DENND5A: variants seen among roughly 807,000 people sequenced by gnomAD.
DENND5A encodes the protein DENN domain containing 5A.
A neutral mutation model predicts 140.3 loss-of-function variants in DENND5A; 64 were observed. The ratio of observed to expected loss-of-function variants is 0.46; its 90% confidence interval spans 0.37 to 0.56. DENND5A has a LOEUF of 0.56. Ranked by LOEUF, DENND5A falls within the 20% of genes least tolerant of loss-of-function variation. DENND5A has a pLI of 0.00. For missense variants in DENND5A, 1,292 were observed against 1,593.8 expected, an observed-to-expected ratio of 0.81 and a Z score of 3.22; for synonymous variants, 605 against 607.7, an observed-to-expected ratio of 1.00 and a Z score of 0.07.
intron 12 of DENND5A, among the ~76,000 whole-genome samples, chr11:9,153,944 T>C (rs772850786): frequency 3.3e-5 from 5 of 152,242 alleles, no homozygotes; most frequent in Non-Finnish European, 7.3e-5. Flanking sequence ...AACTGCTTTG[T>C]CTCTTTCTAA....
At chr11:9,164,194 ATTTTTTTTTTTTTTTTT>A (rs779522112) in intron 11 of DENND5A, among the ~76,000 whole-genome samples, 68 of 79,066 alleles carry the variant, frequency 8.6e-4, no homozygotes, top group East Asian at 2.9e-3. Context: ...ACCACGCCTA[ATTTTTTTTTTTTTTTTT>A]TTTTTTTTTT....
At position 9,212,281 on chromosome 11, in the gene DENND5A, G is replaced by A. The variant is rs1186482720; in HGVS notation, c.110-4649C>T. ...CAGCAGGAGAGAGGACCTCAGAGAT[G>A]TGTGGGGCAACAAGTCTAACATAAT... On this transcript the variant is annotated intron_variant, in intron 1 of 22. Coordinates refer to ENST00000328194, the MANE Select transcript of DENND5A (RefSeq NM_015213.4). Among the ~76,000 whole-genome samples the A allele has an allele frequency of 5.3e-5, 8 of 152,248 alleles. No individual in the cohort carries two copies. In the East Asian group the frequency reaches 1.3e-3, roughly 26 times the overall value.
chr11:9,161,905 T>C (rs539084355), intron 11 of DENND5A, among the ~76,000 whole-genome samples: 1 of 151,522 alleles, frequency 6.6e-6, no homozygotes, highest in Admixed American at 6.6e-5. Flanking sequence ...CCAAAATCTA[T>C]ACGTAATATA....
chr11:9,180,655 TCA>T, intron 6 of DENND5A, 110 bp downstream of exon 6: 1 of 1,039,388 alleles, frequency 9.6e-7, no homozygotes. Flanking sequence ...CTTTCACTGC[TCA>T]CAAATATGAG....
chr11:9,203,618 AAGCCTGAGGCAGG>A, intron 4 of DENND5A, 29 bp downstream of exon 4: 2 of 1,560,610 alleles, frequency 1.3e-6, no homozygotes, highest in Non-Finnish European at 1.7e-6. Flanking sequence ...GAAAGCAAAG[AAGCCTGAGGCAGG>A]CAGAAGGCTC....
intron 1 of DENND5A, among the ~76,000 whole-genome samples, chr11:9,233,392 C>G (rs1356358571): frequency 1.5e-5 from 2 of 136,014 alleles, no homozygotes; most frequent in African/African-American, 5.8e-5. Flanking sequence ...GAGCGAGACT[C>G]TGTCTCAAAA....
intron 8 of DENND5A, chr11:9,175,356 CTAAA>C (rs999059098): frequency 2.0e-5 from 3 of 152,092 alleles, no homozygotes; most frequent in African/African-American, 7.2e-5. Flanking sequence ...TAAAGATGAC[CTAAA>C]TAAATGGAAA....
intron 5 of DENND5A, among the ~76,000 whole-genome samples, chr11:9,186,302 G>A (rs1306415044): frequency 6.6e-6 from 1 of 152,182 alleles, no homozygotes; most frequent in Middle Eastern, 3.2e-3. Flanking sequence ...ATTCCTTTAA[G>A]ATTTTAAAAT....
chr11:9,250,437 C>T (rs1386891704), intron 1 of DENND5A, among the ~76,000 whole-genome samples: 3 of 152,292 alleles, frequency 2.0e-5, no homozygotes, highest in South Asian at 2.1e-4. Context: ...AGCTCCTCTA[C>T]TGCAATGTGG....
chr11:9,243,109 A>C (rs941173155), intron 1 of DENND5A, among the ~76,000 whole-genome samples: 2 of 147,580 alleles, frequency 1.4e-5, no homozygotes, highest in South Asian at 2.1e-4. Flanking sequence ...AAAAAACAAA[A>C]AAAAAAACTG....
At chr11:9,248,258 C>T (rs577642101) in intron 1 of DENND5A, among the ~76,000 whole-genome samples, 11 of 152,294 alleles carry the variant, frequency 7.2e-5, no homozygotes, top group African/African-American at 2.6e-4. Flanking sequence ...GCTGGGATTT[C>T]AGGCATGAGC....
intron 8 of DENND5A, 120 bp from the exon 9 acceptor site, chr11:9,170,897 A>C (rs1052028416): frequency 1.3e-6 from 2 of 1,500,928 alleles, no homozygotes; most frequent in Middle Eastern, 2.4e-4. Flanking sequence ...AAGATAGAGT[A>C]AAAGGGACTG....
At chr11:9,149,686 A>G (rs1282094432) in intron 15 of DENND5A, among the ~76,000 whole-genome samples, 2 of 152,186 alleles carry the variant, frequency 1.3e-5, no homozygotes, top group Admixed American at 6.5e-5. Context: ...GTGTTGAACA[A>G]GAGAGAGAAG....
chr11:9,239,259 CG>C lies in DENND5A; in HGVS notation c.109+25701del, dbSNP rs376956677. On this transcript the variant is annotated intron_variant, in intron 1 of 22. Transcript: ENST00000328194. ...GTTGCCCACGCTGGACTCAAATTCA[CG>C]GGCTCAAGCAATCTTCCTGCCTCAG... Among the ~76,000 whole-genome samples, 75 of 151,678 alleles carry C rather than the reference CG, an allele frequency of 4.9e-4. 2 individuals carry two copies. The South Asian group carries it at 0.015, about 31-fold the overall frequency.
intron 10 of DENND5A, among the ~76,000 whole-genome samples, chr11:9,169,301 T>A (rs1330946600): frequency 6.6e-6 from 1 of 151,884 alleles, no homozygotes; most frequent in African/African-American, 2.4e-5. Flanking sequence ...ACAGAAATTA[T>A]CTGCGCGTTG....
chr11:9,239,297 G>A (rs570164824), intron 1 of DENND5A, among the ~76,000 whole-genome samples: 304 of 150,944 alleles, frequency 2.0e-3, no homozygotes, highest in Non-Finnish European at 3.5e-3. Flanking sequence ...CTCCCAAGTA[G>A]CTGGGACTAC....
At chr11:9,210,476 C>T (rs995786935) in intron 1 of DENND5A, among the ~76,000 whole-genome samples, 1 of 152,156 alleles carries the variant, frequency 6.6e-6, no homozygotes, top group South Asian at 2.1e-4. Flanking sequence ...AGCATACATG[C>T]CTTACAAGAA....
chr11:9,165,269 G>T (rs1848149967), intron 11 of DENND5A, among the ~76,000 whole-genome samples: 1 of 152,030 alleles, frequency 6.6e-6, no homozygotes, highest in Non-Finnish European at 1.5e-5. Context: ...CAAAGTGCTG[G>T]GATTACAGGT....
At chr11:9,224,186 C>A (rs1036812398) in intron 1 of DENND5A, among the ~76,000 whole-genome samples, 1 of 152,186 alleles carries the variant, frequency 6.6e-6, no homozygotes, top group Non-Finnish European at 1.5e-5. Context: ...GAGCAAGACT[C>A]CATCTCAAAA....
Sources: allele counts gnomAD v4.1 joint callset (sites outside exome capture counted in the v4.1 genomes callset), GRCh38; gene constraint gnomAD v4.1.1; transcripts MANE v1.5; gene names NCBI Gene and HGNC (gene_info 2026-07-23, HGNC 2026-07-21).